Variants in NFATC1 observed in about 807,000 individuals in gnomAD.
The protein encoded by NFATC1 is nuclear factor of activated T-cells, cytoplasmic 1.
In NFATC1, 22 loss-of-function variants were observed where a neutral mutation model predicts 76.0. That is an observed-to-expected ratio of 0.29 (90% CI 0.21 to 0.41). NFATC1 has a LOEUF of 0.41. Ranked by LOEUF, NFATC1 falls within the 10% of genes least tolerant of loss-of-function variation. The pLI is 1.00. For synonymous variants in NFATC1, 704 were observed against 613.1 expected, an observed-to-expected ratio of 1.15 and a Z score of -2.19; for missense variants, 1,357 against 1,337.7, an observed-to-expected ratio of 1.01 and a Z score of -0.23.
rs2090443803 is a variant in NFATC1, at chr18:79,518,708, C to T, written c.2783-8820C>T. On this transcript the variant is annotated intron_variant, in intron 9 of 9. Coordinates refer to ENST00000427363, the MANE Select transcript of NFATC1 (RefSeq NM_001278669.2). ...GCAGTGTGAGGATGGGCTGACCTGA[C>T]CGCCCAGTCCTGTCTTCAAAACGAG... 2.0e-5 allele frequency among the ~76,000 whole-genome samples: 3 copies of T among 152,212 alleles called. No homozygotes were observed. In the South Asian group the frequency reaches 6.2e-4, roughly 31 times the overall value.
Position 79,486,274 on chromosome 18 carries a change from G to A in NFATC1, c.2119G>A (p.Asp707Asn), listed in dbSNP as rs2089491540. 1 of 1,611,030 alleles carries A rather than the reference G, an allele frequency of 6.2e-7. No individual in the cohort carries two copies. The highest frequency in any genetic ancestry group is 8.5e-7 in the Non-Finnish European group (1 of 1,178,490). ...TCCAATTATAAAAACAGAACCCACT[G>A]ATGATTATGAGCCTGCTCCAACCTG... is the stretch of plus-strand genomic sequence containing the variant. Reference protein sequence around the residue: ...NVPIIKTEPTDDYEPAPTCGP... With the variant: ...NVPIIKTEPTNDYEPAPTCGP... Residue 707 changes from aspartate (D) to asparagine (N), a missense_variant, in exon 9 of 10, where the codon GAT becomes AAT. This residue lies in a region of NFATC1 where 424 missense variants were observed against 395.4 expected (regional missense o/e 1.07). Transcript: ENST00000427363.
intron 2 of NFATC1, among the ~76,000 whole-genome samples, chr18:79,416,743 G>A (rs1371810712): frequency 3.9e-5 from 6 of 152,176 alleles, no homozygotes; most frequent in Non-Finnish European, 8.8e-5. Flanking sequence ...TTCTGGGGAG[G>A]GAAGCCCCCC....
chr18:79,400,364 T>TACCG, intron 1 of NFATC1: 2 of 1,185,418 alleles, frequency 1.7e-6, no homozygotes, highest in Non-Finnish European at 2.1e-6. Flanking sequence ...CGACCCCGGC[T>TACCG]CCCGCCCCGG....
chr18:79,420,511 G>A (rs1288042115), intron 2 of NFATC1, among the ~76,000 whole-genome samples: 6 of 151,116 alleles, frequency 4.0e-5, no homozygotes, highest in Admixed American at 2.0e-4. Flanking sequence ...AGAGGCAGAC[G>A]CATTTCCAGG....
At chr18:79,436,152 C>T (rs1366621091) in intron 3 of NFATC1, among the ~76,000 whole-genome samples, 1 of 152,202 alleles carries the variant, frequency 6.6e-6, no homozygotes, top group African/African-American at 2.4e-5. Flanking sequence ...GCAGACGTGC[C>T]CTCGGTGCCG....
At chr18:79,470,111 C>A in intron 8 of NFATC1, 1 of 535,624 alleles carries the variant, frequency 1.9e-6, no homozygotes, top group Non-Finnish European at 2.4e-6. Flanking sequence ...CCAGGACCTG[C>A]GTCCTCCGTG....
chr18:79,517,137 AT>A (rs1281599664), intron 9 of NFATC1, among the ~76,000 whole-genome samples: 1 of 152,248 alleles, frequency 6.6e-6, no homozygotes, highest in Non-Finnish European at 1.5e-5. Context: ...ATTGGGAGAC[AT>A]CTTAGAAGTT....
intron 6 of NFATC1, among the ~76,000 whole-genome samples, chr18:79,460,110 G>A (rs971193007): frequency 2.0e-5 from 3 of 152,180 alleles, no homozygotes; most frequent in Admixed American, 6.5e-5. Flanking sequence ...CGGGCCTCCC[G>A]GGCTGGCATG....
intron 9 of NFATC1, among the ~76,000 whole-genome samples, chr18:79,490,952 T>G (rs1212358458): frequency 1.3e-5 from 2 of 151,066 alleles, no homozygotes; most frequent in Non-Finnish European, 2.9e-5. Flanking sequence ...AATTGTAAGG[T>G]GGAACTCTGA....
At chr18:79,468,121 TCTC>T (rs1259675407) in intron 8 of NFATC1, 2 of 364,712 alleles carry the variant, frequency 5.5e-6, no homozygotes, top group African/African-American at 2.2e-5. Flanking sequence ...TGGGGCACCT[TCTC>T]CTCAACCTGC....
chr18:79,401,173 G>A (rs1271807363), intron 1 of NFATC1, among the ~76,000 whole-genome samples: 1 of 151,290 alleles, frequency 6.6e-6, no homozygotes, highest in Non-Finnish European at 1.5e-5. Context: ...CTCTCCCGCT[G>A]CCCGGGATCT....
At chr18:79,487,076 C>T (rs914076881) in intron 9 of NFATC1, 139 bp downstream of exon 9, 2 of 1,034,584 alleles carry the variant, frequency 1.9e-6, no homozygotes, top group Non-Finnish European at 1.3e-6. Flanking sequence ...GTGCGTCCTC[C>T]TGATATAAAG....
In NFATC1 at chr18:79,410,587, C is replaced by T. The variant is rs775813049; in HGVS notation, c.312C>T (p.Ser104=). 33 of 1,612,232 alleles carry T rather than the reference C, an allele frequency of 2.0e-5. No individual in the cohort carries two copies. Among genetic ancestry groups the T allele is most frequent in the Middle Eastern group, 1.6e-4 (1 of 6,084 alleles). Reference sequence around the variant, plus strand: ...GGCCCGCGGGCTACTTCCTCTCCTCCGGCCACACCAGGCCTGATGGGGCCC... The same window carrying T: ...GGCCCGCGGGCTACTTCCTCTCCTCTGGCCACACCAGGCCTGATGGGGCCC... ...DGGPAGYFLS[S]GHTRPDGAPA... is the part of the protein sequence containing the mutation. The change falls in exon 2 of 10, where the codon TCC becomes TCT. Residue 104 remains serine, a synonymous_variant. Transcript: ENST00000427363. This position sits in a 1 kb window ranked among gnomAD's most constrained non-coding sequence, Gnocchi z 6.7.
At chr18:79,455,711 ACC>A (rs1257223908) in intron 6 of NFATC1, among the ~76,000 whole-genome samples, 4 of 150,500 alleles carry the variant, frequency 2.7e-5, no homozygotes, top group Middle Eastern at 3.4e-3. Flanking sequence ...TTCGCCCCAA[ACC>A]CAACATGGTG....
At chr18:79,472,122 C>T (rs952080452) in intron 8 of NFATC1, among the ~76,000 whole-genome samples, 5 of 151,840 alleles carry the variant, frequency 3.3e-5, no homozygotes, top group South Asian at 4.2e-4. Context: ...GCGATCATCA[C>T]GGGAGAGAGC....
chr18:79,443,850 G>A (rs2087085532), intron 3 of NFATC1, among the ~76,000 whole-genome samples: 1 of 152,232 alleles, frequency 6.6e-6, no homozygotes, highest in Admixed American at 6.5e-5. Context: ...CACCCTCTCT[G>A]GGAAGGGCTG....
chr18:79,401,320 T>C (rs1178026825), intron 1 of NFATC1, among the ~76,000 whole-genome samples: 1 of 152,110 alleles, frequency 6.6e-6, no homozygotes, highest in African/African-American at 2.4e-5. Context: ...GAGTCTGTAA[T>C]GAGGGTCATA....
At chr18:79,398,843 C>T (rs962351095) in intron 1 of NFATC1, among the ~76,000 whole-genome samples, 1 of 152,186 alleles carries the variant, frequency 6.6e-6, no homozygotes, top group East Asian at 1.9e-4. Context: ...CCGAGGCAAG[C>T]GGATCACGAG....
chr18:79,413,478 G>A (rs1310174062), intron 2 of NFATC1, among the ~76,000 whole-genome samples: 4 of 152,278 alleles, frequency 2.6e-5, no homozygotes, highest in Middle Eastern at 3.4e-3. Flanking sequence ...TCCATCCACC[G>A]TGCATGTCTG....
Sources: allele counts gnomAD v4.1 joint callset (sites outside exome capture counted in the v4.1 genomes callset), GRCh38; gene constraint gnomAD v4.1.1; regional missense constraint gnomAD v4.1.1; non-coding constraint Gnocchi (gnomAD v3.1); transcripts MANE v1.5; gene names NCBI Gene and HGNC (gene_info 2026-07-23, HGNC 2026-07-21).